CSMD1: variants seen among roughly 807,000 people sequenced by gnomAD.
CSMD1 encodes the protein CUB and Sushi multiple domains 1.
Under a neutral mutation model 417.5 loss-of-function variants are expected in CSMD1, and 213 were observed. That is an observed-to-expected ratio of 0.51 (90% CI 0.46 to 0.57). The LOEUF is 0.57. Ranked by LOEUF, CSMD1 falls within the 20% of genes least tolerant of loss-of-function variation. The pLI is 0.00. For missense variants in CSMD1, 6,923 were observed against 4,529.7 expected, an observed-to-expected ratio of 1.53 and a Z score of -15.17; for synonymous variants, 2,862 against 1,736.8, an observed-to-expected ratio of 1.65 and a Z score of -16.11.
intron 5 of CSMD1, among the ~76,000 whole-genome samples, chr8:3,869,073 A>T (rs2129111094): frequency 6.6e-6 from 1 of 152,330 alleles, no homozygotes; most frequent in African/African-American, 2.4e-5. Flanking sequence ...CCACGCTGAC[A>T]TGACCTTAGG....
intron 5 of CSMD1, among the ~76,000 whole-genome samples, chr8:3,819,349 T>G (rs967780035): frequency 6.6e-6 from 1 of 151,984 alleles, no homozygotes; most frequent in Admixed American, 6.5e-5. Flanking sequence ...TTCATGTCAT[T>G]TCATTTTATC....
intron 5 of CSMD1, among the ~76,000 whole-genome samples, chr8:3,911,874 C>T (rs1011567644): frequency 6.6e-6 from 1 of 152,190 alleles, no homozygotes; most frequent in Non-Finnish European, 1.5e-5. Flanking sequence ...TGTGTTCCAT[C>T]TTCTTACCTC....
intron 10 of CSMD1, among the ~76,000 whole-genome samples, chr8:3,549,146 T>G (rs540641280): frequency 1.3e-5 from 2 of 152,180 alleles, no homozygotes; most frequent in African/African-American, 2.4e-5. Context: ...TGCTTCTAGA[T>G]TGGGTGTCTG....
At chr8:3,655,892 G>C (rs1473605164) in intron 7 of CSMD1, among the ~76,000 whole-genome samples, 2 of 152,116 alleles carry the variant, frequency 1.3e-5, no homozygotes, top group African/African-American at 2.4e-5. Context: ...GAACATGCAA[G>C]ACCTTAATCC....
At chr8:4,442,294 G>C (rs1029587385) in intron 2 of CSMD1, among the ~76,000 whole-genome samples, 3 of 152,084 alleles carry the variant, frequency 2.0e-5, no homozygotes, top group African/African-American at 7.2e-5. Flanking sequence ...ATTATTAAAA[G>C]TTAGAAAAGA....
chr8:4,457,061 C>T (rs1799534069), intron 2 of CSMD1, among the ~76,000 whole-genome samples: 2 of 151,526 alleles, frequency 1.3e-5, no homozygotes, highest in African/African-American at 4.9e-5. Flanking sequence ...GAATTAAGCC[C>T]CATACCAGGT....
In CSMD1 at chr8:3,612,101, T is replaced by G. The variant is rs77729898; in HGVS notation, c.1097+4609A>C. Among the ~76,000 whole-genome samples, 159 of 152,202 alleles carry G rather than the reference T, an allele frequency of 1.0e-3. 1 individual carries two copies. Among genetic ancestry groups the G allele is most frequent in the African/African-American group, 3.7e-3 (155 of 41,560 alleles). Reference sequence around the variant, plus strand: ...GCAACAGATTGAATATAGAAACATATATAACAATCCATATATTATAGACTA... The same window carrying G: ...GCAACAGATTGAATATAGAAACATAGATAACAATCCATATATTATAGACTA... On this transcript the variant is annotated intron_variant, in intron 8 of 69. Coordinates refer to ENST00000635120, the MANE Select transcript of CSMD1 (RefSeq NM_033225.6).
intron 47 of CSMD1, among the ~76,000 whole-genome samples, chr8:3,093,278 C>G (rs1338310206): frequency 6.6e-6 from 1 of 152,126 alleles, no homozygotes; most frequent in African/African-American, 2.4e-5. Flanking sequence ...GAGTGGGGGC[C>G]ACATCTGCAA....
At chr8:4,269,518 A>G (rs1804437625) in intron 3 of CSMD1, among the ~76,000 whole-genome samples, 1 of 152,166 alleles carries the variant, frequency 6.6e-6, no homozygotes, top group African/African-American at 2.4e-5. Context: ...TTTTTATCTA[A>G]CTAAAAGCCC....
At chr8:3,192,662 T>C (rs1287253618) in intron 33 of CSMD1, among the ~76,000 whole-genome samples, 1 of 152,172 alleles carries the variant, frequency 6.6e-6, no homozygotes, top group East Asian at 1.9e-4. Flanking sequence ...TATTTTATAT[T>C]TTGAAATACA....
chr8:3,778,117 G>T (rs997239893), intron 5 of CSMD1, among the ~76,000 whole-genome samples: 1 of 152,232 alleles, frequency 6.6e-6, no homozygotes, highest in African/African-American at 2.4e-5. Flanking sequence ...TCTTGAGAAA[G>T]ACTTTGAGAC....
At chr8:4,587,232 G>C (rs925676780) in intron 2 of CSMD1, among the ~76,000 whole-genome samples, 7 of 152,060 alleles carry the variant, frequency 4.6e-5, no homozygotes, top group African/African-American at 1.4e-4. Flanking sequence ...TTCTCCACTT[G>C]TCTGTTGTTT....
chr8:3,730,508 G>C (rs2128076), intron 6 of CSMD1, among the ~76,000 whole-genome samples: 3,678 of 151,804 alleles, frequency 0.024, 74 homozygotes, highest in South Asian at 0.063. Context: ...ATGCTGATTT[G>C]GCCCCAGGTT....
intron 41 of CSMD1, chr8:3,127,683 G>C (rs1817579931): frequency 6.6e-6 from 1 of 152,064 alleles, no homozygotes; most frequent in Non-Finnish European, 1.5e-5. Context: ...AAAAACAGTG[G>C]AACTTTGAAA....
intron 12 of CSMD1, among the ~76,000 whole-genome samples, chr8:3,451,239 C>G (rs1815692622): frequency 6.6e-6 from 1 of 152,196 alleles, no homozygotes; most frequent in Non-Finnish European, 1.5e-5. Flanking sequence ...GAGTACATTG[C>G]AAAACATTTC....
intron 5 of CSMD1, among the ~76,000 whole-genome samples, chr8:3,792,169 G>T (rs113869368): frequency 6.6e-6 from 1 of 151,982 alleles, no homozygotes; most frequent in Non-Finnish European, 1.5e-5. Context: ...TGGTGCACAC[G>T]TGTAGTCCCA....
At chr8:4,650,173 G>C (rs551939909) in intron 1 of CSMD1, among the ~76,000 whole-genome samples, 2 of 151,674 alleles carry the variant, frequency 1.3e-5, no homozygotes, top group African/African-American at 2.4e-5. Context: ...GTGAAACCCC[G>C]TCTCTAATAA....
At chr8:3,963,975 G>C (rs1812505692) in intron 5 of CSMD1, among the ~76,000 whole-genome samples, 1 of 152,182 alleles carries the variant, frequency 6.6e-6, no homozygotes. Context: ...AAGGTATTAA[G>C]TCAAACAGAA....
chr8:3,630,307 G>A (rs1030664408), intron 7 of CSMD1, among the ~76,000 whole-genome samples: 9 of 152,124 alleles, frequency 5.9e-5, no homozygotes, highest in Non-Finnish European at 1.2e-4. Context: ...AGATGGGCAG[G>A]AATTACCTAA....
Sources: allele counts gnomAD v4.1 joint callset (sites outside exome capture counted in the v4.1 genomes callset), GRCh38; gene constraint gnomAD v4.1.1; transcripts MANE v1.5; gene names NCBI Gene and HGNC (gene_info 2026-07-23, HGNC 2026-07-21).